Variants in HTRA1 observed in about 807,000 individuals in gnomAD.
HTRA1 encodes the protein serine protease HTRA1.
Under a neutral mutation model 49.7 loss-of-function variants are expected in HTRA1, and 26 were observed. That is an observed-to-expected ratio of 0.52 (90% CI 0.38 to 0.73). The LOEUF (loss-of-function observed/expected upper bound fraction) is 0.73. Ranked by LOEUF, HTRA1 falls within the 30% of genes least tolerant of loss-of-function variation. The probability of loss-of-function intolerance (pLI) is 0.00; values close to 1 mark genes in which losing one functional copy is unlikely to be tolerated. For missense variants in HTRA1, 561 were observed against 667.2 expected, an observed-to-expected ratio of 0.84 and a Z score of 1.75; for synonymous variants, 291 against 286.9, an observed-to-expected ratio of 1.01 and a Z score of -0.14.
intron 1 of HTRA1, among the ~76,000 whole-genome samples, chr10:122,470,731 G>A (rs1435573490): frequency 6.6e-6 from 1 of 152,080 alleles, no homozygotes; most frequent in African/African-American, 2.4e-5. Flanking sequence ...GAGTCCTAAA[G>A]CATTGAAGCT....
At chr10:122,508,371 C>T (rs2097504088) in intron 5 of HTRA1, among the ~76,000 whole-genome samples, 1 of 152,242 alleles carries the variant, frequency 6.6e-6, no homozygotes, top group Non-Finnish European at 1.5e-5. Context: ...CCTTGTGAAA[C>T]AGGAGCAAAT....
At chr10:122,476,536 G>C (rs1040433941) in intron 1 of HTRA1, among the ~76,000 whole-genome samples, 1 of 152,186 alleles carries the variant, frequency 6.6e-6, no homozygotes, top group Non-Finnish European at 1.5e-5. Context: ...GTTCAGTGGC[G>C]GGGACCCTGC....
At chr10:122,503,409 C>T (rs1028734181) in intron 3 of HTRA1, among the ~76,000 whole-genome samples, 1 of 152,208 alleles carries the variant, frequency 6.6e-6, no homozygotes, top group Admixed American at 6.5e-5. Flanking sequence ...AGCTGAGGTG[C>T]CCGATGCTCC....
At position 122,488,936 on chromosome 10, in the gene HTRA1, T is replaced by C. The variant is rs1591032203; in HGVS notation, c.507T>C (p.Tyr169=). ...ATCCCAACAGTTTGCGCCATAAATA[T>C]AACTTTATCGCGGACGTGGTGGAGA... ...QEDPNSLRHK[Y]NFIADVVEKI... The change falls in exon 2 of 9, where the codon TAT becomes TAC. Residue 169 remains tyrosine, a synonymous_variant. Transcript: ENST00000368984. 1 of 1,614,070 alleles carries C rather than the reference T, an allele frequency of 6.2e-7. No homozygotes were observed. The highest frequency in any genetic ancestry group is 1.3e-5 in the African/African-American group (1 of 74,936).
At chr10:122,462,188 G>A in intron 1 of HTRA1, 64 bp downstream of exon 1, 1 of 1,344,620 alleles carries the variant, frequency 7.4e-7, no homozygotes, top group Non-Finnish European at 1.0e-6. Context: ...CTGCTTCTGC[G>A]GGACTGGTGG....
At chr10:122,484,399 A>G (rs1413648143) in intron 1 of HTRA1, among the ~76,000 whole-genome samples, 1 of 152,196 alleles carries the variant, frequency 6.6e-6, no homozygotes, top group African/African-American at 2.4e-5. Context: ...AAGGCCAGAA[A>G]AAACAGCCTG....
rs1565427091 is a variant in HTRA1 at position 122,496,224 on chromosome 10, G to GT, written c.777+6598_777+6599insT. 3.0e-3 allele frequency among the ~76,000 whole-genome samples: 96 copies of GT among 32,090 alleles called. 2 individuals carry two copies. Among genetic ancestry groups the GT allele is most frequent in the East Asian group, 0.015 (25 of 1,648 alleles). The allele number at this position is 32,090 out of a possible 152,430, so 21.1% of individuals were successfully genotyped here. The stretch of plus-strand genomic sequence containing the variant: ...GCCCTTTCGTTTGCCAGAGATTGTG[G>GT]GTTCTTTTTTTTTTTTTTTTTTTTT... On this transcript the variant is annotated intron_variant, in intron 3 of 8. Transcript: ENST00000368984.
At position 122,514,336 on chromosome 10, in the gene HTRA1, A is replaced by G. The variant is rs749794778; in HGVS notation, c.1420A>G (p.Ile474Val). 17 of 1,614,016 alleles carry G rather than the reference A, an allele frequency of 1.1e-5. No homozygotes were observed. The highest frequency in any genetic ancestry group is 1.6e-4 in the Middle Eastern group (1 of 6,084). Residue 474 changes from isoleucine to valine, a missense_variant, in exon 9 of 9, where the codon ATT (isoleucine) becomes GTT (valine). Ile to Val is a conservative substitution (Grantham distance 29). This residue lies in a region of HTRA1 where 179 missense variants were observed against 173.4 expected (regional missense o/e 1.03). Transcript: ENST00000368984. ...TAATGAAGATATCATGATCACAGTG[A>G]TTCCCGAAGAAATTGACCCATAGGC... Reference protein sequence around the residue: ...RGNEDIMITVIPEEIDP With the variant: ...RGNEDIMITVVPEEIDP
intron 8 of HTRA1, among the ~76,000 whole-genome samples, chr10:122,512,486 C>T (rs2097506080): frequency 6.6e-6 from 1 of 152,148 alleles, no homozygotes; most frequent in Non-Finnish European, 1.5e-5. Context: ...CCTGTCAACA[C>T]CTCCAGAAAA....
chr10:122,495,329 T>TA (rs2097498140), intron 3 of HTRA1, among the ~76,000 whole-genome samples: 1 of 152,222 alleles, frequency 6.6e-6, no homozygotes, highest in Non-Finnish European at 1.5e-5. Flanking sequence ...TTGCATTTGC[T>TA]AATGATGCCA....
chr10:122,487,195 G>A lies in HTRA1; in HGVS notation c.473-1707G>A, dbSNP rs563918984. The stretch of plus-strand genomic sequence containing the variant: ...TAGTGAGCAGCTAGCAGAGGAGTGC[G>A]GGTCCCTGGAGCCTGCTTGTGCAAC... On this transcript the variant is annotated intron_variant, in intron 1 of 8. Transcript: ENST00000368984. The surrounding 1 kb of genome is among the most constrained non-coding windows in gnomAD (Gnocchi z 4.8). 2.0e-5 allele frequency among the ~76,000 whole-genome samples: 3 copies of A among 152,298 alleles called. No homozygotes were observed. Among genetic ancestry groups the A allele is most frequent in the East Asian group, 3.9e-4 (2 of 5,176 alleles).
chr10:122,484,245 G>T (rs1256846452), intron 1 of HTRA1, among the ~76,000 whole-genome samples: 1 of 152,168 alleles, frequency 6.6e-6, no homozygotes, highest in Non-Finnish European at 1.5e-5. Flanking sequence ...GCGTTACTTG[G>T]CCTTCTTCAG....
intron 3 of HTRA1, among the ~76,000 whole-genome samples, chr10:122,493,008 C>T (rs1464513071): frequency 6.6e-6 from 1 of 152,210 alleles, no homozygotes; most frequent in Admixed American, 6.5e-5. Flanking sequence ...TTGGAGCTCC[C>T]CTCACATCTC....
At chr10:122,472,131 G>A (rs924782269) in intron 1 of HTRA1, among the ~76,000 whole-genome samples, 1 of 151,912 alleles carries the variant, frequency 6.6e-6, no homozygotes, top group Non-Finnish European at 1.5e-5. Context: ...TTCAGCTGTG[G>A]TTAGATTTTC....
Position 122,514,863 on chromosome 10 carries a change from A to G in HTRA1, c.*504A>G. The G allele has an allele frequency of 5.1e-6, 1 of 197,450 alleles. No individual in the cohort carries two copies. 12.2% of individuals were successfully genotyped at this position (197,450 alleles called of 1,614,324 possible). Reference sequence around the variant, plus strand: ...TAGGAATCTCTTTGGAATTGGGAGCACGATGACTCTGAGTTTGAGCTATTA... The same window carrying G: ...TAGGAATCTCTTTGGAATTGGGAGCGCGATGACTCTGAGTTTGAGCTATTA... On this transcript the variant is annotated 3_prime_UTR_variant, in exon 9 of 9. Coordinates refer to ENST00000368984, the MANE Select transcript of HTRA1 (RefSeq NM_002775.5).
At chr10:122,493,224 C>T (rs1434451217) in intron 3 of HTRA1, among the ~76,000 whole-genome samples, 1 of 152,236 alleles carries the variant, frequency 6.6e-6, no homozygotes, top group African/African-American at 2.4e-5. Context: ...AGGTGTCCAC[C>T]TGCAGCCCCG....
At chr10:122,481,336 T>C (rs2284668) in intron 1 of HTRA1, among the ~76,000 whole-genome samples, 31,841 of 152,104 alleles carry the variant, frequency 0.21, 3,597 homozygotes, top group South Asian at 0.43. Context: ...GATTATCCAG[T>C]TTTACTTTTC....
At chr10:122,511,190 C>T (rs1245242359) in intron 7 of HTRA1, among the ~76,000 whole-genome samples, 3 of 152,148 alleles carry the variant, frequency 2.0e-5, no homozygotes, top group Admixed American at 6.5e-5. Flanking sequence ...CACAGTGATG[C>T]CAGCCACTAT....
chr10:122,512,030 T>A lies in HTRA1; in HGVS notation c.1239T>A (p.Tyr413Ter), dbSNP rs770459003. The change falls in exon 8 of 9, where the codon TAT (tyrosine) becomes TAA (stop). Residue 413 changes from tyrosine (Y) to a stop codon, truncating the protein, a stop_gained. Transcript: ENST00000368984. LOFTEE classifies it high-confidence loss of function. ...RDFPDVISGA[Y>*]IIEVIPDTPA... ...TCCCAGACGTGATCTCAGGAGCGTATATAATTGAAGTAATTCCTGATACCC... is the reference window on the plus strand; with the variant it reads ...TCCCAGACGTGATCTCAGGAGCGTAAATAATTGAAGTAATTCCTGATACCC... 6.2e-7 allele frequency: 1 copy of A among 1,613,732 alleles called. No homozygotes were observed. The highest frequency in any genetic ancestry group is 1.1e-5 in the South Asian group (1 of 91,060).
Sources: allele counts gnomAD v4.1 joint callset (sites outside exome capture counted in the v4.1 genomes callset), GRCh38; gene constraint gnomAD v4.1.1; regional missense constraint gnomAD v4.1.1; non-coding constraint Gnocchi (gnomAD v3.1); transcripts MANE v1.5; gene names NCBI Gene and HGNC (gene_info 2026-07-23, HGNC 2026-07-21).